Variants in NIM1K observed in about 807,000 individuals in gnomAD.
The protein encoded by NIM1K is serine/threonine-protein kinase NIM1.
A neutral mutation model predicts 37.1 loss-of-function variants in NIM1K; 35 were observed. That is an observed-to-expected ratio of 0.94 (90% CI 0.72 to 1.25). The LOEUF (loss-of-function observed/expected upper bound fraction) is 1.25. NIM1K is among the 50% of genes most tolerant of loss of function. NIM1K has a pLI of 0.00. For synonymous variants in NIM1K, 234 were observed against 206.6 expected (o/e 1.13, Z -1.14); for missense variants, 564 against 548.0 (o/e 1.03, Z -0.29).
chr5:43,203,383 G>A lies in NIM1K; in HGVS notation c.-695+10972G>A, dbSNP rs116544881. Among the ~76,000 whole-genome samples, 687 of 152,328 alleles carry A rather than the reference G, an allele frequency of 4.5e-3. 2 individuals are homozygous for A. The highest frequency in any genetic ancestry group is 0.012 in the African/African-American group (480 of 41,572). On this transcript the variant is annotated intron_variant, in intron 1 of 3. Transcript: ENST00000326035. ...GAAGCCTACTTTTGTGCCAGTCACC[G>A]AGTTTTGGCCAATGAAAGGTGGCCA...
chr5:43,248,815 AG>A (rs199845209), intron 2 of NIM1K, among the ~76,000 whole-genome samples: 5,878 of 151,914 alleles, frequency 0.039, 168 homozygotes, highest in Non-Finnish European at 0.059. Context: ...TCCCAGGTAA[AG>A]GCAGTCAGGC....
At chr5:43,276,908 A>G (rs1753349839) in intron 2 of NIM1K, 149 bp from the exon 3 acceptor site, 1 of 770,986 alleles carries the variant, frequency 1.3e-6, no homozygotes, top group African/African-American at 1.7e-5. Context: ...GCTGGGCTTA[A>G]GCATTGCTTT....
intron 1 of NIM1K, among the ~76,000 whole-genome samples, chr5:43,227,411 C>T (rs1266320265): frequency 6.6e-6 from 1 of 151,986 alleles, no homozygotes; most frequent in African/African-American, 2.4e-5. Flanking sequence ...AGAATCGGTT[C>T]TTGGCACATA....
intron 1 of NIM1K, among the ~76,000 whole-genome samples, chr5:43,242,288 C>A (rs1752714155): frequency 6.6e-6 from 1 of 151,844 alleles, no homozygotes. Context: ...ATCCCAGGGC[C>A]TGAATAGAGC....
intron 1 of NIM1K, among the ~76,000 whole-genome samples, chr5:43,235,319 C>G (rs1752605881): frequency 6.6e-6 from 1 of 152,198 alleles, no homozygotes; most frequent in Admixed American, 6.5e-5. Flanking sequence ...ATAACAAGTA[C>G]ATTGAAATAC....
chr5:43,207,060 G>C, intron 1 of NIM1K: 1 of 726,078 alleles, frequency 1.4e-6, no homozygotes, highest in Non-Finnish European at 2.6e-6. Context: ...ACAGATATTG[G>C]CCCATTACCT....
chr5:43,252,342 T>C (rs1752877594), intron 2 of NIM1K, among the ~76,000 whole-genome samples: 1 of 152,110 alleles, frequency 6.6e-6, no homozygotes, highest in African/African-American at 2.4e-5. Flanking sequence ...AGCTCTATTG[T>C]CAAAGAAACA....
intron 1 of NIM1K, among the ~76,000 whole-genome samples, chr5:43,243,445 G>A (rs1752732762): frequency 6.6e-6 from 1 of 151,258 alleles, no homozygotes; most frequent in Non-Finnish European, 1.5e-5. Flanking sequence ...TTGTATGGGT[G>A]AGGGTTTTTT....
At chr5:43,208,502 C>G (rs1437692788) in intron 1 of NIM1K, among the ~76,000 whole-genome samples, 1 of 151,834 alleles carries the variant, frequency 6.6e-6, no homozygotes, top group African/African-American at 2.4e-5. Context: ...ACTCGGGAGG[C>G]TGAGGCAGGA....
At chr5:43,203,654 A>G (rs1051897433) in intron 1 of NIM1K, among the ~76,000 whole-genome samples, 1 of 152,214 alleles carries the variant, frequency 6.6e-6, no homozygotes, top group African/African-American at 2.4e-5. Flanking sequence ...AACAATAGTC[A>G]TATAGTACAC....
intron 1 of NIM1K, among the ~76,000 whole-genome samples, chr5:43,200,325 G>C (rs1045953148): frequency 5.3e-5 from 8 of 151,162 alleles, no homozygotes; most frequent in African/African-American, 1.9e-4. Flanking sequence ...TTTTGAGATG[G>C]AGTCTCACTC....
At chr5:43,229,104 A>G (rs894407517) in intron 1 of NIM1K, among the ~76,000 whole-genome samples, 1 of 152,172 alleles carries the variant, frequency 6.6e-6, no homozygotes, top group Non-Finnish European at 1.5e-5. Flanking sequence ...CTTTTGGGCC[A>G]GGTGTGGTGG....
At chr5:43,230,007 A>G (rs1752515351) in intron 1 of NIM1K, among the ~76,000 whole-genome samples, 1 of 152,082 alleles carries the variant, frequency 6.6e-6, no homozygotes, top group Non-Finnish European at 1.5e-5. Flanking sequence ...CCTATAGATA[A>G]ACAGATACCA....
chr5:43,260,200 A>G (rs1420760679), intron 2 of NIM1K, among the ~76,000 whole-genome samples: 1 of 152,048 alleles, frequency 6.6e-6, no homozygotes, highest in African/African-American at 2.4e-5. Context: ...TCCCTTTTCC[A>G]CTTTAGATGT....
At chr5:43,238,957 C>A (rs921577360) in intron 1 of NIM1K, among the ~76,000 whole-genome samples, 5 of 66,786 alleles carry the variant, frequency 7.5e-5, no homozygotes, top group Admixed American at 2.4e-4. Context: ...GAAAGGCTGG[C>A]GGGGGCGGGG....
rs751189307 is a variant in NIM1K, at chr5:43,280,300, G to A, written c.882G>A (p.Val294=). ...GCACATACAGTGTACCGCCGCACGT[G>A]TCAGAGCCCTGCCACCGACTCATCC... ...LEGTYSVPPH[V]SEPCHRLIRG... Residue 294 remains valine, a synonymous_variant, in exon 4 of 4, where the codon GTG becomes GTA. Transcript: ENST00000326035. 1.6e-5 allele frequency: 26 copies of A among 1,614,036 alleles called. No individual in the cohort carries two copies. Among genetic ancestry groups the A allele is most frequent in the Non-Finnish European group, 2.0e-5 (24 of 1,180,032 alleles).
At chr5:43,196,514 A>G (rs2112191059) in intron 1 of NIM1K, among the ~76,000 whole-genome samples, 1 of 151,584 alleles carries the variant, frequency 6.6e-6, no homozygotes, top group South Asian at 2.1e-4. Flanking sequence ...GGGCGCCTGT[A>G]GTCCCAGCTA....
intron 1 of NIM1K, among the ~76,000 whole-genome samples, chr5:43,236,513 G>A (rs769250097): frequency 2.6e-5 from 4 of 152,182 alleles, no homozygotes; most frequent in Non-Finnish European, 4.4e-5. Flanking sequence ...TTAATTGCCA[G>A]TTTCTTTTCA....
intron 1 of NIM1K, among the ~76,000 whole-genome samples, chr5:43,209,917 G>A (rs1752179218): frequency 1.3e-5 from 2 of 152,022 alleles, no homozygotes; most frequent in Non-Finnish European, 2.9e-5. Flanking sequence ...ACCCGGCCCC[G>A]TGCTACCTTT....
Sources: gnomAD v4.1 joint callset for allele counts (sites outside exome capture counted in the v4.1 genomes callset) on GRCh38, gnomAD v4.1.1 for gene constraint, MANE v1.5 for transcripts, NCBI Gene and HGNC (gene_info 2026-07-23, HGNC 2026-07-21) for gene names.